Variants in TRIM33 observed in about 807,000 individuals in gnomAD.
The protein encoded by TRIM33 is E3 ubiquitin-protein ligase TRIM33.
In TRIM33, 20 loss-of-function variants were observed where a neutral mutation model predicts 125.4. The observed-to-expected ratio is 0.16, with a 90% confidence interval of 0.11 to 0.23. The LOEUF (loss-of-function observed/expected upper bound fraction) is 0.23, where lower values mean the gene tolerates loss of function less well. Ranked by LOEUF, TRIM33 falls within the 10% of genes least tolerant of loss-of-function variation. The probability of loss-of-function intolerance (pLI) is 1.00; values close to 1 mark genes in which losing one functional copy is unlikely to be tolerated. For missense variants in TRIM33, 920 were observed against 1,411.4 expected (o/e 0.65, Z 5.58); for synonymous variants, 564 against 513.9 (o/e 1.10, Z -1.32).
intron 12 of TRIM33, among the ~76,000 whole-genome samples, chr1:114,409,906 A>G (rs1652471781): frequency 3.3e-5 from 5 of 152,124 alleles, no homozygotes; most frequent in Admixed American, 6.6e-5. Context: ...GAGAAGACGG[A>G]GCCCTGTTCT....
At chr1:114,432,032 A>G (rs2101190079) in intron 5 of TRIM33, among the ~76,000 whole-genome samples, 1 of 152,332 alleles carries the variant, frequency 6.6e-6, no homozygotes. Flanking sequence ...GAAAGAAAAA[A>G]ATGTACATTA....
chr1:114,465,334 C>A (rs1030870990), intron 1 of TRIM33, among the ~76,000 whole-genome samples: 2 of 152,170 alleles, frequency 1.3e-5, no homozygotes, highest in African/African-American at 2.4e-5. Context: ...ATAAATGACA[C>A]AATCCACACC....
At chr1:114,486,717 T>TA (rs1227450730) in intron 1 of TRIM33, among the ~76,000 whole-genome samples, 5 of 151,654 alleles carry the variant, frequency 3.3e-5, no homozygotes, top group Non-Finnish European at 5.9e-5. Flanking sequence ...TGTGGAACAA[T>TA]AAAAAACTAG....
intron 1 of TRIM33, among the ~76,000 whole-genome samples, chr1:114,507,770 C>T (rs1327136404): frequency 6.6e-6 from 1 of 152,130 alleles, no homozygotes; most frequent in Non-Finnish European, 1.5e-5. Flanking sequence ...AAGAGCAAAG[C>T]AGAATGGTAT....
intron 1 of TRIM33, among the ~76,000 whole-genome samples, chr1:114,483,432 TTTGAGA>T (rs1343599403): frequency 1.3e-5 from 2 of 151,920 alleles, no homozygotes; most frequent in African/African-American, 2.4e-5. Flanking sequence ...TTTTTTTCTT[TTTGAGA>T]TGGAGTCTCT....
chr1:114,414,160 A>C (rs1652785516), intron 11 of TRIM33, among the ~76,000 whole-genome samples: 2 of 152,128 alleles, frequency 1.3e-5, no homozygotes, highest in South Asian at 4.1e-4. Context: ...GTCAGGTGAA[A>C]GAATGGGGTA....
intron 5 of TRIM33, among the ~76,000 whole-genome samples, chr1:114,432,771 C>G (rs1343756636): frequency 1.3e-5 from 2 of 151,970 alleles, no homozygotes; most frequent in African/African-American, 4.8e-5. Flanking sequence ...GGGCGACAGA[C>G]CGAGACTCCG....
At chr1:114,399,672 A>G in intron 17 of TRIM33, 63 bp from the exon 18 acceptor site, 1 of 1,353,170 alleles carries the variant, frequency 7.4e-7, no homozygotes, top group South Asian at 1.3e-5. Context: ...TTAATTTGAA[A>G]ATGCATAGCA....
At chr1:114,457,096 T>C (rs1314951907) in intron 4 of TRIM33, among the ~76,000 whole-genome samples, 1 of 152,214 alleles carries the variant, frequency 6.6e-6, no homozygotes, top group Non-Finnish European at 1.5e-5. Flanking sequence ...CTGGGAATAC[T>C]GCTTGCTCCT....
At chr1:114,439,060 T>G (rs1418319513) in intron 4 of TRIM33, among the ~76,000 whole-genome samples, 1 of 152,192 alleles carries the variant, frequency 6.6e-6, no homozygotes, top group African/African-American at 2.4e-5. Context: ...AAGCTAACTC[T>G]AATTAAATCT....
At chr1:114,408,386 A>G (rs1245596347) in intron 13 of TRIM33, among the ~76,000 whole-genome samples, 1 of 152,166 alleles carries the variant, frequency 6.6e-6, no homozygotes, top group African/African-American at 2.4e-5. Context: ...ATGAGTTGTT[A>G]AATTTTTTTA....
At chr1:114,460,907 T>A (rs1336383442) in intron 4 of TRIM33, among the ~76,000 whole-genome samples, 1 of 152,122 alleles carries the variant, frequency 6.6e-6, no homozygotes, top group Non-Finnish European at 1.5e-5. Context: ...ATTGTCGTAA[T>A]TGCTGTAATT....
At chr1:114,474,407 A>T (rs967390687) in intron 1 of TRIM33, among the ~76,000 whole-genome samples, 13 of 139,056 alleles carry the variant, frequency 9.3e-5, no homozygotes, top group Non-Finnish European at 1.9e-4. Context: ...ATTTCTACAA[A>T]TTAAAAAAAA....
chr1:114,437,146 T>A (rs1648359266), intron 4 of TRIM33, among the ~76,000 whole-genome samples: 1 of 152,206 alleles, frequency 6.6e-6, no homozygotes, highest in Admixed American at 6.5e-5. Context: ...GTTACATTCA[T>A]GTGAACAAGA....
rs1052287308 is a variant in TRIM33, at chr1:114,399,441, T to C, written c.3120+16A>G. ...AACTAACAAATCAAGACTCTATAGG[T>C]TGGAAGTTAACATACTTCATTAAAC... On this transcript the variant is annotated intron_variant, in intron 18 of 19. Transcript: ENST00000358465. The C allele has an allele frequency of 6.8e-6, 11 of 1,609,604 alleles. No homozygotes were observed. Among genetic ancestry groups the C allele is most frequent in the African/African-American group, 2.7e-5 (2 of 74,838 alleles).
intron 1 of TRIM33, among the ~76,000 whole-genome samples, chr1:114,502,668 G>C (rs975327473): frequency 6.6e-6 from 1 of 151,814 alleles, no homozygotes; most frequent in Non-Finnish European, 1.5e-5. Context: ...CACCACACTC[G>C]GATAATTTTT....
intron 4 of TRIM33, among the ~76,000 whole-genome samples, chr1:114,459,416 C>A (rs1231533457): frequency 1.3e-5 from 2 of 152,170 alleles, no homozygotes; most frequent in Non-Finnish European, 2.9e-5. Flanking sequence ...AAACTCTGTA[C>A]CCCTTCCCAC....
chr1:114,401,349 A>G (rs1419291933), intron 17 of TRIM33, 40 bp downstream of exon 17: 1 of 1,568,426 alleles, frequency 6.4e-7, no homozygotes. Context: ...CTTAAGTATT[A>G]TGAGACTTCC....
At chr1:114,485,062 A>T (rs1651590950) in intron 1 of TRIM33, among the ~76,000 whole-genome samples, 1 of 151,964 alleles carries the variant, frequency 6.6e-6, no homozygotes, top group Non-Finnish European at 1.5e-5. Context: ...TTAAAAAAAA[A>T]AAAAGTACGT....
Sources: allele counts gnomAD v4.1 joint callset (sites outside exome capture counted in the v4.1 genomes callset), GRCh38; gene constraint gnomAD v4.1.1; transcripts MANE v1.5; gene names NCBI Gene and HGNC (gene_info 2026-07-23, HGNC 2026-07-21).